SLC17A4: variants seen among roughly 807,000 people sequenced by gnomAD.
SLC17A4 encodes the protein probable small intestine urate exporter.
A neutral mutation model predicts 52.5 loss-of-function variants in SLC17A4; 33 were observed. The ratio of observed to expected loss-of-function variants is 0.63; its 90% CI spans 0.48 to 0.84. The LOEUF (loss-of-function observed/expected upper bound fraction) is 0.84, where lower values mean the gene tolerates loss of function less well. SLC17A4 is among the 40% of genes least tolerant of loss of function. The pLI is 0.00. For synonymous variants in SLC17A4, 225 were observed against 216.2 expected, an observed-to-expected ratio of 1.04 and a Z score of -0.36; for missense variants, 585 against 597.1, an observed-to-expected ratio of 0.98 and a Z score of 0.21.
rs1217459877 is a variant in SLC17A4 at position 25,777,596 on chromosome 6, AC to A, written c.1269-329del. On this transcript the variant is annotated intron_variant, in intron 10 of 11. Coordinates refer to ENST00000377905, the MANE Select transcript of SLC17A4 (RefSeq NM_005495.3). ...AACAACAACAACAACAACAACAACA[AC>A]AACAACAACAAAAACCTTACAAACC... 1,605 of 203,386 alleles carry A rather than the reference AC, an allele frequency of 7.9e-3. 27 individuals carry two copies. The highest frequency in any genetic ancestry group is 0.035 in the African/African-American group (1,448 of 41,096). The allele number at this position is 203,386 out of a possible 1,614,324, so 12.6% of individuals were successfully genotyped here. A position where few individuals can be genotyped will look rare whatever the true frequency, so the allele number is the denominator to read the frequency against.
intron 2 of SLC17A4, among the ~76,000 whole-genome samples, chr6:25,767,497 A>T (rs538178974): frequency 6.6e-6 from 1 of 152,310 alleles, no homozygotes; most frequent in South Asian, 2.1e-4. Flanking sequence ...TTGCCCCAGA[A>T]TACACAGCTA....
chr6:25,778,926 C>A (rs1293202436), intron 11 of SLC17A4, 128 bp from the exon 12 acceptor site: 4 of 1,203,288 alleles, frequency 3.3e-6, no homozygotes, highest in Non-Finnish European at 4.7e-6. Context: ...CTAGGACCAA[C>A]TGGGAAGCCC....
In SLC17A4 at chr6:25,776,710, A is replaced by G; in HGVS notation, c.1103A>G (p.Lys368Arg). The G allele has an allele frequency of 6.2e-7, 1 of 1,613,950 alleles. No individual in the cohort carries two copies. The highest frequency in any genetic ancestry group is 1.1e-5 in the South Asian group (1 of 91,064). The stretch of plus-strand genomic sequence containing the variant: ...ATCCTCAGACTCATCACCATCAGGA[A>G]ACTCTTCACTGCCATTGGTAAGGGA... ...RKILRLITIR[K>R]LFTAIGVLFP... Residue 368 changes from lysine to arginine, a missense_variant, in exon 9 of 12, where the codon AAA becomes AGA. Transcript: ENST00000377905.
intron 6 of SLC17A4, 127 bp from the exon 7 acceptor site, chr6:25,773,148 A>G (rs1762618514): frequency 1.3e-6 from 1 of 763,410 alleles, no homozygotes; most frequent in Non-Finnish European, 2.3e-6. Flanking sequence ...GGGCCATGCA[A>G]GGGATAGATG....
chr6:25,762,153 T>A, intron 2 of SLC17A4, 100 bp downstream of exon 2: 1 of 963,202 alleles, frequency 1.0e-6, no homozygotes, highest in South Asian at 1.7e-5. Context: ...CATCTTTTGT[T>A]GATACACATC....
intron 11 of SLC17A4, among the ~76,000 whole-genome samples, 184 bp downstream of exon 11, chr6:25,778,200 A>G (rs1006640803): frequency 6.6e-6 from 1 of 152,096 alleles, no homozygotes; most frequent in African/African-American, 2.4e-5. Flanking sequence ...TCTTACTGGT[A>G]TAAACTTTAC....
At chr6:25,760,655 C>T (rs1040063591) in intron 1 of SLC17A4, among the ~76,000 whole-genome samples, 13 of 152,308 alleles carry the variant, frequency 8.5e-5, no homozygotes, top group Non-Finnish European at 1.9e-4. Flanking sequence ...ACTTTGCTGT[C>T]ATCCCTCATC....
intron 1 of SLC17A4, among the ~76,000 whole-genome samples, chr6:25,755,693 A>G (rs1031742677): frequency 6.6e-6 from 1 of 152,190 alleles, no homozygotes; most frequent in African/African-American, 2.4e-5. Flanking sequence ...ATATTTCTAC[A>G]AAGGCCCTTC....
chr6:25,777,436 A>T (rs1763017141), intron 10 of SLC17A4: 3 of 160,606 alleles, frequency 1.9e-5, no homozygotes, highest in Admixed American at 1.2e-4. Context: ...TCATCTTCAG[A>T]TAATGAACCA....
At chr6:25,773,990 C>T (rs1366564455) in intron 8 of SLC17A4, among the ~76,000 whole-genome samples, 1 of 151,950 alleles carries the variant, frequency 6.6e-6, no homozygotes, top group African/African-American at 2.4e-5. Flanking sequence ...TATACTCAAT[C>T]CCATCAAAAT....
chr6:25,764,414 T>A (rs1344600176), intron 2 of SLC17A4, among the ~76,000 whole-genome samples: 1 of 151,972 alleles, frequency 6.6e-6, no homozygotes, highest in Non-Finnish European at 1.5e-5. Context: ...TACAACAACA[T>A]CCCCTTCTGA....
chr6:25,764,191 T>C (rs1761805052), intron 2 of SLC17A4, among the ~76,000 whole-genome samples: 1 of 152,158 alleles, frequency 6.6e-6, no homozygotes, highest in Non-Finnish European at 1.5e-5. Context: ...GCCTGCCACC[T>C]TGGGCCAGAA....
chr6:25,765,729 G>A (rs1761955503), intron 2 of SLC17A4, among the ~76,000 whole-genome samples: 1 of 152,066 alleles, frequency 6.6e-6, no homozygotes, highest in Non-Finnish European at 1.5e-5. Flanking sequence ...AGAAAACAAA[G>A]ATTGTGTAAT....
At chr6:25,760,331 G>A (rs1018611727) in intron 1 of SLC17A4, among the ~76,000 whole-genome samples, 4 of 152,044 alleles carry the variant, frequency 2.6e-5, no homozygotes, top group Admixed American at 2.6e-4. Flanking sequence ...CTCCATATCT[G>A]ATAGAATGCT....
intron 2 of SLC17A4, among the ~76,000 whole-genome samples, chr6:25,768,708 TC>T (rs1399689979): frequency 3.3e-5 from 5 of 152,148 alleles, no homozygotes; most frequent in Non-Finnish European, 7.3e-5. Flanking sequence ...CCTATTCTAA[TC>T]TTCTCATCCC....
chr6:25,780,285 G>C lies in SLC17A4; in HGVS notation c.*1097G>C, dbSNP rs149693640. On this transcript the variant is annotated 3_prime_UTR_variant, in exon 12 of 12. Transcript: ENST00000377905. ...AGGAGTTCAGTGTCTCGGGAGGGCA[G>C]ATAACTTTAATCAAAGTATCACACA... 1 of 152,348 alleles carries C rather than the reference G, an allele frequency of 6.6e-6. No individual in the cohort carries two copies. The highest frequency in any genetic ancestry group is 2.4e-5 in the African/African-American group (1 of 41,588). The allele number at this position is 152,348 out of a possible 1,614,324, so 9.4% of individuals were successfully genotyped here.
chr6:25,776,716 T>C lies in SLC17A4; in HGVS notation c.1109T>C (p.Phe370Ser). 6.2e-7 allele frequency: 1 copy of C among 1,613,958 alleles called. No homozygotes were observed. Among genetic ancestry groups the C allele is most frequent in the Non-Finnish European group, 8.5e-7 (1 of 1,179,882 alleles). ...AGACTCATCACCATCAGGAAACTCT[T>C]CACTGCCATTGGTAAGGGAGAGACT... ...ILRLITIRKL[F>S]TAIGVLFPSV... Residue 370 changes from phenylalanine (F) to serine (S), a missense_variant, in exon 9 of 12, where the codon TTC becomes TCC. Coordinates refer to ENST00000377905, the MANE Select transcript of SLC17A4 (RefSeq NM_005495.3).
At chr6:25,757,619 C>A (rs186045835) in intron 1 of SLC17A4, among the ~76,000 whole-genome samples, 23 of 152,108 alleles carry the variant, frequency 1.5e-4, no homozygotes, top group Non-Finnish European at 3.1e-4. Context: ...TTCTTGATCC[C>A]TTTCTCTGTC....
At chr6:25,756,493 T>G (rs1761026977) in intron 1 of SLC17A4, among the ~76,000 whole-genome samples, 1 of 152,186 alleles carries the variant, frequency 6.6e-6, no homozygotes, top group Non-Finnish European at 1.5e-5. Flanking sequence ...GCATTCTTAC[T>G]TCTTTCTTTT....
Sources: allele counts gnomAD v4.1 joint callset (sites outside exome capture counted in the v4.1 genomes callset), GRCh38; gene constraint gnomAD v4.1.1; transcripts MANE v1.5; gene names NCBI Gene and HGNC (gene_info 2026-07-23, HGNC 2026-07-21).